The following USH2A variants were observed in gnomAD, a reference collection of about 807,000 sequenced individuals.
USH2A encodes the protein Usher syndrome 2A (autosomal recessive, mild).
In USH2A, 443 loss-of-function variants were observed where a neutral mutation model predicts 538.9. The observed-to-expected ratio is 0.82, with a 90% CI of 0.76 to 0.89. The LOEUF (loss-of-function observed/expected upper bound fraction) is 0.89, where lower values mean the gene tolerates loss of function less well. USH2A is among the 40% of genes least tolerant of loss of function. The pLI is 0.00. For synonymous variants in USH2A, 2,413 were observed against 2,273.5 expected (o/e 1.06, Z -1.75); for missense variants, 6,633 against 6,324.8 (o/e 1.05, Z -1.65).
intron 30 of USH2A, among the ~76,000 whole-genome samples, chr1:216,052,918 GGCTTT>G (rs1287153841): frequency 1.3e-5 from 2 of 152,176 alleles, no homozygotes; most frequent in African/African-American, 4.8e-5. Flanking sequence ...TTATCCTAAT[GGCTTT>G]GCTTTAAGTG....
chr1:215,753,761 T>C (rs964332320), intron 58 of USH2A, among the ~76,000 whole-genome samples: 2 of 152,050 alleles, frequency 1.3e-5, no homozygotes, highest in African/African-American at 4.8e-5. Flanking sequence ...TGTATACATA[T>C]GTAACAAACC....
At chr1:215,943,221 T>A (rs4481823) in intron 37 of USH2A, among the ~76,000 whole-genome samples, 4,890 of 152,040 alleles carry the variant, frequency 0.032, 123 homozygotes, top group South Asian at 0.084. Flanking sequence ...GATTGTAACA[T>A]AAAAAGACAA....
intron 30 of USH2A, among the ~76,000 whole-genome samples, chr1:216,060,485 T>A (rs535552609): frequency 2.0e-5 from 3 of 152,338 alleles, no homozygotes; most frequent in African/African-American, 7.2e-5. Context: ...TAAATTAAAA[T>A]GTCTTTTTCT....
intron 56 of USH2A, among the ~76,000 whole-genome samples, chr1:215,764,700 G>A (rs974339863): frequency 2.6e-5 from 4 of 152,150 alleles, no homozygotes; most frequent in South Asian, 2.1e-4. Flanking sequence ...GATGTACTTC[G>A]AAAATGGCAT....
chr1:215,873,185 A>G (rs1170591749), intron 43 of USH2A, among the ~76,000 whole-genome samples: 1 of 152,158 alleles, frequency 6.6e-6, no homozygotes, highest in Admixed American at 6.5e-5. Context: ...TGTGAAAGAC[A>G]TGTTTACTCC....
chr1:215,979,259 C>G (rs1479554529), intron 35 of USH2A, among the ~76,000 whole-genome samples: 1 of 152,146 alleles, frequency 6.6e-6, no homozygotes, highest in Non-Finnish European at 1.5e-5. Flanking sequence ...CCCACGGGGT[C>G]TCTCCCATGA....
At chr1:215,829,583 T>C (rs963597312) in intron 47 of USH2A, among the ~76,000 whole-genome samples, 13 of 152,194 alleles carry the variant, frequency 8.5e-5, no homozygotes, top group African/African-American at 3.1e-4. Flanking sequence ...ATGTTGCTAA[T>C]ATGAAAGATT....
intron 55 of USH2A, among the ~76,000 whole-genome samples, chr1:215,774,817 GCT>G (rs1487995536): frequency 6.6e-6 from 1 of 151,836 alleles, no homozygotes; most frequent in Non-Finnish European, 1.5e-5. Context: ...TGTCTAGGCA[GCT>G]ATCAATTATA....
Position 215,779,787 on chromosome 1 carries a change from C to G in USH2A, c.10939+56G>C, listed in dbSNP as rs41313726. The G allele has an allele frequency of 2.0e-3, 3,150 of 1,601,228 alleles. 6 individuals carry two copies. The highest frequency in any genetic ancestry group is 2.7e-3 in the Admixed American group (160 of 59,616). On this transcript the variant is annotated intron_variant, in intron 55 of 71. Transcript: ENST00000307340. ...ACACACCCCTGGGATGCTTTGCCCC[C>G]CTAACCACAATGACAGACTCCTCCA...
chr1:216,073,983 G>T (rs1447662333), intron 27 of USH2A, among the ~76,000 whole-genome samples: 16 of 152,180 alleles, frequency 1.1e-4, no homozygotes, highest in Non-Finnish European at 7.3e-5. Context: ...ATCCCCATTA[G>T]CATGACAGGG....
intron 37 of USH2A, among the ~76,000 whole-genome samples, chr1:215,947,638 T>TA (rs1403046097): frequency 6.6e-6 from 1 of 152,184 alleles, no homozygotes; most frequent in Non-Finnish European, 1.5e-5. Flanking sequence ...TTCATAGTCC[T>TA]AAGAAAGCTG....
chr1:216,133,916 A>G (rs1433460829), intron 21 of USH2A, among the ~76,000 whole-genome samples: 2 of 152,066 alleles, frequency 1.3e-5, no homozygotes, highest in African/African-American at 2.4e-5. Flanking sequence ...TCCCTTTCAC[A>G]GAATTGTGGA....
chr1:216,285,210 A>G (rs2036857961), intron 11 of USH2A, among the ~76,000 whole-genome samples: 2 of 152,130 alleles, frequency 1.3e-5, no homozygotes, highest in Admixed American at 1.3e-4. Context: ...GAGGCCTAGG[A>G]GGAAAAAATG....
At chr1:215,799,254 A>C in intron 49 of USH2A, 129 bp from the exon 50 acceptor site, 5 of 1,166,590 alleles carry the variant, frequency 4.3e-6, no homozygotes, top group Non-Finnish European at 6.1e-6. Flanking sequence ...GAATAATATC[A>C]TATTGGAGTT....
intron 21 of USH2A, among the ~76,000 whole-genome samples, chr1:216,118,618 G>A (rs910824034): frequency 2.6e-5 from 4 of 152,110 alleles, no homozygotes; most frequent in East Asian, 1.9e-4. Context: ...AGACATGATC[G>A]CCACTCCAAG....
chr1:215,760,724 G>C (rs530511872), intron 56 of USH2A, among the ~76,000 whole-genome samples: 1 of 151,856 alleles, frequency 6.6e-6, no homozygotes, highest in African/African-American at 2.4e-5. Context: ...CCTTTCATAC[G>C]CCCAAATGTA....
chr1:216,231,838 C>A, intron 14 of USH2A, 115 bp downstream of exon 14: 1 of 1,298,670 alleles, frequency 7.7e-7, no homozygotes, highest in South Asian at 1.2e-5. Flanking sequence ...CAGGTGTGAG[C>A]CACCAAGCCG....
chr1:215,990,684 G>A (rs902405720), intron 35 of USH2A, among the ~76,000 whole-genome samples: 5 of 151,964 alleles, frequency 3.3e-5, no homozygotes, highest in African/African-American at 1.2e-4. Context: ...AGAGGCCTAC[G>A]GTTAGCCTAG....
chr1:215,918,124 T>C (rs544151860), intron 38 of USH2A, among the ~76,000 whole-genome samples: 1 of 152,122 alleles, frequency 6.6e-6, no homozygotes, highest in African/African-American at 2.4e-5. Context: ...TTTAGTCATT[T>C]AATGATTGAA....
Sources: gnomAD v4.1 joint callset for allele counts (sites outside exome capture counted in the v4.1 genomes callset) on GRCh38, gnomAD v4.1.1 for gene constraint, MANE v1.5 for transcripts, NCBI Gene and HGNC (gene_info 2026-07-23, HGNC 2026-07-21) for gene names.